PTPRD: variants seen among roughly 807,000 people sequenced by gnomAD.
PTPRD encodes the protein protein tyrosine phosphatase receptor type D, also known as receptor-type tyrosine-protein phosphatase delta.
Under a neutral mutation model 214.5 loss-of-function variants are expected in PTPRD, and 34 were observed. The observed-to-expected ratio is 0.16, with a 90% CI of 0.12 to 0.21. The LOEUF (loss-of-function observed/expected upper bound fraction) is 0.21, where lower values mean the gene tolerates loss of function less well. Ranked by LOEUF, PTPRD falls within the 10% of genes least tolerant of loss-of-function variation. The probability of loss-of-function intolerance (pLI) is 1.00; values close to 1 mark genes in which losing one functional copy is unlikely to be tolerated. For missense variants in PTPRD, 2,545 were observed against 2,398.7 expected (o/e 1.06, Z -1.27); for synonymous variants, 1,128 against 845.7 (o/e 1.33, Z -5.79).
chr9:10,149,565 T>C (rs2099046495), intron 3 of PTPRD, among the ~76,000 whole-genome samples: 1 of 152,172 alleles, frequency 6.6e-6, no homozygotes, highest in African/African-American at 2.4e-5. Context: ...CTCGTACTCC[T>C]GCCTAGTCCC....
Position 8,372,172 on chromosome 9 carries a change from G to GA in PTPRD, c.4661+3763dup, listed in dbSNP as rs539434574. Among the ~76,000 whole-genome samples, 162 of 152,020 alleles carry GA rather than the reference G, an allele frequency of 1.1e-3. 1 individual carries two copies. Among genetic ancestry groups the GA allele is most frequent in the African/African-American group, 3.6e-3 (150 of 41,506 alleles). On this transcript the variant is annotated intron_variant, in intron 39 of 45. Coordinates refer to ENST00000381196, the MANE Select transcript of PTPRD (RefSeq NM_002839.4). ...GCCATAGTAGAAAATATGTACATTT[G>GA]AAAAAATCCATTCATTTAATGATTT...
At chr9:10,339,697 G>A (rs990856563) in intron 3 of PTPRD, among the ~76,000 whole-genome samples, 2 of 151,606 alleles carry the variant, frequency 1.3e-5, no homozygotes, top group African/African-American at 4.8e-5. Context: ...ACAGCTAATG[G>A]TGTGGGGAGA....
intron 9 of PTPRD, among the ~76,000 whole-genome samples, chr9:9,250,985 G>T (rs1353878869): frequency 6.6e-6 from 1 of 152,146 alleles, no homozygotes; most frequent in Admixed American, 6.5e-5. Flanking sequence ...ACCAGCTTAA[G>T]AAATGTATTA....
At chr9:8,789,099 T>C (rs958854182) in intron 11 of PTPRD, among the ~76,000 whole-genome samples, 5 of 152,310 alleles carry the variant, frequency 3.3e-5, no homozygotes, top group African/African-American at 1.2e-4. Context: ...GCCAGTTGAC[T>C]GCCTGAAGGA....
intron 8 of PTPRD, among the ~76,000 whole-genome samples, chr9:9,477,914 C>T (rs1030064311): frequency 2.0e-5 from 3 of 152,082 alleles, no homozygotes; most frequent in Non-Finnish European, 2.9e-5. Flanking sequence ...ATAAATAGTT[C>T]TCAAAAACTC....
intron 9 of PTPRD, among the ~76,000 whole-genome samples, chr9:9,377,385 T>A (rs1407583045): frequency 6.6e-6 from 1 of 152,116 alleles, no homozygotes; most frequent in Non-Finnish European, 1.5e-5. Context: ...TCATCAAGCA[T>A]CTTAAATTAA....
At chr9:9,395,756 G>A (rs2141111668) in intron 9 of PTPRD, among the ~76,000 whole-genome samples, 1 of 152,122 alleles carries the variant, frequency 6.6e-6, no homozygotes, top group African/African-American at 2.4e-5. Flanking sequence ...CACAACGTCA[G>A]TAGGAATGTG....
intron 2 of PTPRD, among the ~76,000 whole-genome samples, chr9:10,470,585 T>G (rs2099023895): frequency 2.0e-5 from 3 of 152,152 alleles, no homozygotes; most frequent in African/African-American, 7.2e-5. Flanking sequence ...TGGTAATAAA[T>G]GGGATAGACT....
chr9:8,879,413 G>T (rs1566794153), intron 11 of PTPRD, among the ~76,000 whole-genome samples: 2 of 152,028 alleles, frequency 1.3e-5, no homozygotes, highest in African/African-American at 2.4e-5. Flanking sequence ...TTTTCTCCAT[G>T]TATTTACTCA....
At chr9:8,775,958 G>A (rs1017958480) in intron 11 of PTPRD, among the ~76,000 whole-genome samples, 1 of 152,132 alleles carries the variant, frequency 6.6e-6, no homozygotes, top group Non-Finnish European at 1.5e-5. Context: ...CTAACTCCTA[G>A]CAGTAGGTAA....
intron 7 of PTPRD, among the ~76,000 whole-genome samples, chr9:9,652,253 C>T (rs978008190): frequency 6.6e-6 from 1 of 152,170 alleles, no homozygotes. Context: ...CTTTTGTTCT[C>T]TCTCTCTACA....
rs138543291 is a variant in PTPRD at position 9,249,852 on chromosome 9, T to G, written c.-202-66489A>C. The stretch of plus-strand genomic sequence containing the variant: ...GGAGATGAAAAGAAAGGATTAAATA[T>G]TCTTTCAGACTTCAGTGGTTTCAGG... On this transcript the variant is annotated intron_variant, in intron 9 of 45. Coordinates refer to ENST00000381196, the MANE Select transcript of PTPRD (RefSeq NM_002839.4). Among the ~76,000 whole-genome samples the G allele has an allele frequency of 7.3e-3, 1,115 of 152,220 alleles. 12 individuals are homozygous for G. The highest frequency in any genetic ancestry group is 0.025 in the African/African-American group (1,031 of 41,570).
At chr9:8,717,168 G>C (rs1420995171) in intron 12 of PTPRD, among the ~76,000 whole-genome samples, 2 of 152,062 alleles carry the variant, frequency 1.3e-5, no homozygotes, top group East Asian at 1.9e-4. Context: ...AGAAAAGTTA[G>C]ACAAATACAT....
intron 3 of PTPRD, among the ~76,000 whole-genome samples, chr9:10,053,381 T>C (rs745341795): frequency 6.6e-6 from 1 of 152,154 alleles, no homozygotes; most frequent in African/African-American, 2.4e-5. Context: ...CCCTCATGGA[T>C]ATCAGTAGGT....
At chr9:9,172,191 G>T (rs1321890058) in intron 10 of PTPRD, among the ~76,000 whole-genome samples, 2 of 152,054 alleles carry the variant, frequency 1.3e-5, no homozygotes, top group East Asian at 1.9e-4. Flanking sequence ...AAATTCTTCT[G>T]CACTCAGCAC....
At chr9:8,602,144 C>G (rs2154278103) in intron 14 of PTPRD, among the ~76,000 whole-genome samples, 1 of 152,278 alleles carries the variant, frequency 6.6e-6, no homozygotes, top group East Asian at 1.9e-4. Context: ...GCACAATGTC[C>G]AATAAACTGG....
At chr9:8,779,103 G>C (rs1383096691) in intron 11 of PTPRD, among the ~76,000 whole-genome samples, 1 of 148,890 alleles carries the variant, frequency 6.7e-6, no homozygotes, top group African/African-American at 2.6e-5. Context: ...CAGGAGATGA[G>C]AGGAGAACTA....
At chr9:9,295,176 C>T in intron 9 of PTPRD, among the ~76,000 whole-genome samples, 1 of 151,600 alleles carries the variant, frequency 6.6e-6, no homozygotes, top group Non-Finnish European at 1.5e-5. Flanking sequence ...GGGGAAGAAT[C>T]TAAATTTTAT....
At chr9:9,886,067 T>C (rs1318091837) in intron 5 of PTPRD, among the ~76,000 whole-genome samples, 2 of 151,726 alleles carry the variant, frequency 1.3e-5, no homozygotes, top group African/African-American at 2.4e-5. Context: ...TGAACTGCTA[T>C]GGATAGAAAA....
Sources: gnomAD v4.1 joint callset for allele counts (sites outside exome capture counted in the v4.1 genomes callset) on GRCh38, gnomAD v4.1.1 for gene constraint, MANE v1.5 for transcripts, NCBI Gene and HGNC (gene_info 2026-07-23, HGNC 2026-07-21) for gene names.